Variants in NELL1 observed in about 807,000 individuals in gnomAD.
NELL1 encodes neural EGFL like 1, also known as protein kinase C-binding protein NELL1.
A neutral mutation model predicts 107.4 loss-of-function variants in NELL1; 76 were observed. The ratio of observed to expected loss-of-function variants is 0.71; its 90% CI spans 0.59 to 0.86. The LOEUF is 0.86. NELL1 is among the 40% of genes least tolerant of loss of function. The pLI, the probability that NELL1 is intolerant of heterozygous loss-of-function variation, is 0.00. For missense variants in NELL1, 1,024 were observed against 1,005.5 expected (o/e 1.02, Z -0.25); for synonymous variants, 353 against 341.2 (o/e 1.03, Z -0.38).
chr11:21,127,304 G>A (rs1855508028), intron 13 of NELL1, among the ~76,000 whole-genome samples: 1 of 152,010 alleles, frequency 6.6e-6, no homozygotes. Flanking sequence ...AGAAGAATAA[G>A]AAGAAAATAG....
chr11:20,816,200 G>A lies in NELL1; in HGVS notation c.336-31383G>A, dbSNP rs115323840. On this transcript the variant is annotated intron_variant, in intron 3 of 19. Coordinates refer to ENST00000357134, the MANE Select transcript of NELL1 (RefSeq NM_006157.5). ...AATTCTGTTAAAAATGACATTGGTC[G>A]TTTGTTAGGAATAGCGTTGAATCTG... Among the ~76,000 whole-genome samples, 1,462 of 152,116 alleles carry A rather than the reference G, an allele frequency of 9.6e-3. 23 individuals are homozygous for A. The highest frequency in any genetic ancestry group is 0.033 in the African/African-American group (1,371 of 41,502).
intron 2 of NELL1, among the ~76,000 whole-genome samples, chr11:20,695,265 C>T (rs548040291): frequency 1.2e-3 from 183 of 152,104 alleles, no homozygotes; most frequent in African/African-American, 4.3e-3. Flanking sequence ...TTTTTCTTTT[C>T]CTATTTGGAT....
chr11:20,873,888 C>G (rs1849252552), intron 4 of NELL1, among the ~76,000 whole-genome samples: 1 of 152,016 alleles, frequency 6.6e-6, no homozygotes, highest in Non-Finnish European at 1.5e-5. Context: ...TTCAGCCTCC[C>G]CAGTAGCTTG....
Position 21,560,517 on chromosome 11 carries a change from A to C in NELL1, c.1980+135A>C, listed in dbSNP as rs753508754. ...GGCTTCTCCTGTTCTTATCTACATT[A>C]CAGCTAATGATGATGCTAAGGGGTA... On this transcript the variant is annotated intron_variant, in intron 17 of 19. Coordinates refer to ENST00000357134, the MANE Select transcript of NELL1 (RefSeq NM_006157.5). 9.6e-6 allele frequency: 7 copies of C among 728,856 alleles called. No homozygotes were observed. In the South Asian group the frequency reaches 1.4e-4, roughly 15 times the overall value. The allele number at this position is 728,856 out of a possible 1,614,324, so 45.1% of individuals were successfully genotyped here. A position where few individuals can be genotyped will look rare whatever the true frequency, so the allele number is the denominator to read the frequency against.
At chr11:20,895,943 T>G (rs1259828412) in intron 5 of NELL1, among the ~76,000 whole-genome samples, 1 of 152,194 alleles carries the variant, frequency 6.6e-6, no homozygotes, top group Non-Finnish European at 1.5e-5. Flanking sequence ...AGGCCACATT[T>G]TCTTTTTTTT....
intron 2 of NELL1, among the ~76,000 whole-genome samples, chr11:20,778,774 G>A (rs891123893): frequency 6.6e-6 from 1 of 151,904 alleles, no homozygotes; most frequent in African/African-American, 2.4e-5. Context: ...ACACCCCCAG[G>A]GTTACAAAAT....
chr11:20,889,258 T>G (rs1351616005), intron 5 of NELL1, among the ~76,000 whole-genome samples: 2 of 152,108 alleles, frequency 1.3e-5, no homozygotes, highest in Non-Finnish European at 2.9e-5. Flanking sequence ...AAAACACAAA[T>G]TTTTCACAAA....
chr11:21,277,549 G>A (rs374927419), intron 14 of NELL1, among the ~76,000 whole-genome samples: 3 of 152,182 alleles, frequency 2.0e-5, no homozygotes. Flanking sequence ...CCATTACTGG[G>A]TATATACCCA....
intron 2 of NELL1, among the ~76,000 whole-genome samples, chr11:20,753,722 A>G (rs1007904264): frequency 1.3e-5 from 2 of 152,216 alleles, no homozygotes; most frequent in African/African-American, 2.4e-5. Context: ...AAGGTGCTCC[A>G]ATGATGTCAT....
chr11:20,957,884 C>T (rs1271840157), intron 11 of NELL1, among the ~76,000 whole-genome samples: 1 of 151,934 alleles, frequency 6.6e-6, no homozygotes, highest in African/African-American at 2.4e-5. Flanking sequence ...GATATGAAAG[C>T]AAGTCTAAAT....
intron 14 of NELL1, among the ~76,000 whole-genome samples, chr11:21,315,759 C>T (rs759386339): frequency 1.3e-5 from 2 of 152,062 alleles, no homozygotes; most frequent in African/African-American, 4.8e-5. Context: ...CATTTTCCCC[C>T]AATGTGTTTG....
rs77738396 is a variant in NELL1, at chr11:21,123,058, A to G, written c.1426+9344A>G. The stretch of plus-strand genomic sequence containing the variant: ...CCAAGCATCAAATCCTGACTTAACC[A>G]TGTCCCAGAGTCAGAAGGGAAAAGA... On this transcript the variant is annotated intron_variant, in intron 13 of 19. Coordinates refer to ENST00000357134, the MANE Select transcript of NELL1 (RefSeq NM_006157.5). 2.8e-3 allele frequency among the ~76,000 whole-genome samples: 428 copies of G among 152,272 alleles called. 2 individuals are homozygous for G. The highest frequency in any genetic ancestry group is 4.9e-3 in the Non-Finnish European group (330 of 68,008).
rs113973706 is a variant in NELL1, at chr11:21,109,495, T to C, written c.1301-4094T>C. 5.2e-3 allele frequency among the ~76,000 whole-genome samples: 795 copies of C among 152,246 alleles called. 9 individuals are homozygous for C. Among genetic ancestry groups the C allele is most frequent in the African/African-American group, 0.018 (768 of 41,562 alleles). Reference sequence around the variant, plus strand: ...GCTTAGCCTCTTCTTGTCTCCTGGCTTCTGGATGAATATGACCATTGCTCA... The same window carrying C: ...GCTTAGCCTCTTCTTGTCTCCTGGCCTCTGGATGAATATGACCATTGCTCA... On this transcript the variant is annotated intron_variant, in intron 12 of 19. Coordinates refer to ENST00000357134, the MANE Select transcript of NELL1 (RefSeq NM_006157.5).
At chr11:21,118,811 A>T (rs1435927231) in intron 13 of NELL1, among the ~76,000 whole-genome samples, 1 of 151,728 alleles carries the variant, frequency 6.6e-6, no homozygotes, top group Non-Finnish European at 1.5e-5. Context: ...TTGCTGTTTT[A>T]TGTCATTTAG....
At chr11:20,742,185 C>T (rs975805501) in intron 2 of NELL1, among the ~76,000 whole-genome samples, 5 of 152,170 alleles carry the variant, frequency 3.3e-5, no homozygotes, top group Non-Finnish European at 5.9e-5. Flanking sequence ...ACCTAGGCAT[C>T]AGCCAGGCTC....
intron 15 of NELL1, among the ~76,000 whole-genome samples, chr11:21,404,528 A>G (rs1444359921): frequency 6.6e-6 from 1 of 151,982 alleles, no homozygotes; most frequent in Non-Finnish European, 1.5e-5. Context: ...AAAATACAAG[A>G]AAACTGAAGC....
intron 13 of NELL1, among the ~76,000 whole-genome samples, chr11:21,197,434 AAAC>A (rs1857179469): frequency 8.0e-6 from 1 of 125,546 alleles, no homozygotes; most frequent in Non-Finnish European, 1.8e-5. Context: ...AAAAAAAAAA[AAAC>A]TGTAGCTTTC....
chr11:21,209,316 G>T (rs1377716328), intron 13 of NELL1, among the ~76,000 whole-genome samples: 1 of 84,862 alleles, frequency 1.2e-5, no homozygotes, highest in Non-Finnish European at 2.7e-5. Context: ...AAAATAAATG[G>T]TACATATGTA....
intron 5 of NELL1, among the ~76,000 whole-genome samples, chr11:20,902,814 A>G (rs1325658069): frequency 1.3e-5 from 2 of 152,102 alleles, no homozygotes; most frequent in Non-Finnish European, 1.5e-5. Context: ...ATGAATTGCT[A>G]AAGTAATTTT....
Sources: allele counts gnomAD v4.1 joint callset (sites outside exome capture counted in the v4.1 genomes callset), GRCh38; gene constraint gnomAD v4.1.1; transcripts MANE v1.5; gene names NCBI Gene and HGNC (gene_info 2026-07-23, HGNC 2026-07-21).